PRKCB: variants seen among roughly 807,000 people sequenced by gnomAD.
PRKCB encodes the protein protein kinase C beta type.
Under a neutral mutation model 81.5 loss-of-function variants are expected in PRKCB, and 13 were observed. The ratio of observed to expected loss-of-function variants is 0.16; its 90% CI spans 0.10 to 0.25. The LOEUF (loss-of-function observed/expected upper bound fraction) is 0.25. PRKCB is among the 10% of genes least tolerant of loss of function. The pLI is 1.00. For missense variants in PRKCB, 509 were observed against 875.7 expected, an observed-to-expected ratio of 0.58 and a Z score of 5.29; for synonymous variants, 335 against 321.4, an observed-to-expected ratio of 1.04 and a Z score of -0.45.
At chr16:24,092,270 A>G (rs192761348) in intron 5 of PRKCB, among the ~76,000 whole-genome samples, 1 of 152,356 alleles carries the variant, frequency 6.6e-6, no homozygotes, top group Non-Finnish European at 1.5e-5. Flanking sequence ...AAATGGAATC[A>G]TACAATATGT....
At chr16:23,956,642 G>A (rs1438974844) in intron 2 of PRKCB, among the ~76,000 whole-genome samples, 2 of 152,142 alleles carry the variant, frequency 1.3e-5, no homozygotes, top group East Asian at 1.9e-4. Context: ...CAAATGTTGT[G>A]CCAATTTATG....
chr16:24,177,464 G>A (rs1967552871), intron 12 of PRKCB, among the ~76,000 whole-genome samples: 1 of 152,090 alleles, frequency 6.6e-6, no homozygotes. Flanking sequence ...TGGAAGAACA[G>A]AGTCAATCTT....
Position 24,219,053 on chromosome 16 carries a change from A to G in PRKCB, c.*4237A>G, listed in dbSNP as rs1968277992. 6 of 985,328 alleles carry G rather than the reference A, an allele frequency of 6.1e-6. No homozygotes were observed. Among genetic ancestry groups the G allele is most frequent in the Admixed American group, 6.2e-5 (1 of 16,260 alleles). The allele number at this position is 985,328 out of a possible 1,614,324, so 61.0% of individuals were successfully genotyped here. A position where few individuals can be genotyped will look rare whatever the true frequency, so the allele number is the denominator to read the frequency against. On this transcript the variant is annotated 3_prime_UTR_variant, in exon 17 of 17. Transcript: ENST00000643927. ...GGGTGTGGTGATGATGAGGAAAGAC[A>G]AGAGGCTTGCAAGGACCCTGAAGAG...
chr16:23,999,241 G>A (rs1033348627), intron 3 of PRKCB, among the ~76,000 whole-genome samples: 4 of 152,218 alleles, frequency 2.6e-5, no homozygotes, highest in East Asian at 3.9e-4. Flanking sequence ...CTGGTGTGCA[G>A]CAAGTTCGTG....
In PRKCB at chr16:23,836,323, T is replaced by C; in HGVS notation, c.148T>C (p.Cys50Arg). 6.2e-7 allele frequency: 1 copy of C among 1,603,678 alleles called. No individual in the cohort carries two copies. The highest frequency in any genetic ancestry group is 8.5e-7 in the Non-Finnish European group (1 of 1,175,684). ...TARFFKQPTF[C>R]SHCTDFIWGF... ...CCGCTTCTTCAAGCAGCCCACCTTC[T>C]GCAGCCACTGCACCGACTTCATCTG... is the stretch of plus-strand genomic sequence containing the variant. The change falls in exon 1 of 17, where the codon TGC becomes CGC. Residue 50 changes from cysteine (C) to arginine (R), a missense_variant. Transcript: ENST00000643927.
intron 3 of PRKCB, among the ~76,000 whole-genome samples, chr16:24,000,148 C>G (rs551050736): frequency 6.6e-6 from 1 of 152,152 alleles, no homozygotes; most frequent in Non-Finnish European, 1.5e-5. Context: ...ATTCCAGTGC[C>G]TCATTGGAGA....
intron 2 of PRKCB, among the ~76,000 whole-genome samples, chr16:23,855,776 A>G (rs1226501758): frequency 6.6e-6 from 1 of 152,234 alleles, no homozygotes; most frequent in East Asian, 1.9e-4. Flanking sequence ...ACGGCCCTTC[A>G]GAACTGGGAC....
chr16:24,138,845 CTTTTTTTTT>C (rs991952336), intron 9 of PRKCB, among the ~76,000 whole-genome samples: 1 of 78,846 alleles, frequency 1.3e-5, no homozygotes, highest in Non-Finnish European at 2.3e-5. Flanking sequence ...CAGTATTTGT[CTTTTTTTTT>C]TTTTTTTTTT....
rs1967609789 is a variant in PRKCB at position 24,180,877 on chromosome 16, T to C, written c.1482T>C (p.Asp494=). 2 of 1,614,088 alleles carry C rather than the reference T, an allele frequency of 1.2e-6. No homozygotes were observed. The highest frequency in any genetic ancestry group is 8.5e-7 in the Non-Finnish European group (1 of 1,180,042). Reference sequence around the variant, plus strand: ...GCATGTGTAAGGAAAACATCTGGGATGGGGTGACAACCAAGACATTCTGTG... The same window carrying C: ...GCATGTGTAAGGAAAACATCTGGGACGGGGTGACAACCAAGACATTCTGTG... ...DFGMCKENIW[D]GVTTKTFCGT... is the part of the protein sequence containing the mutation. Residue 494 remains aspartate, a synonymous_variant, in exon 13 of 17, where the codon GAT becomes GAC. Coordinates refer to ENST00000643927, the MANE Select transcript of PRKCB (RefSeq NM_002738.7).
intron 2 of PRKCB, among the ~76,000 whole-genome samples, chr16:23,887,583 T>C (rs1396120633): frequency 1.3e-5 from 2 of 152,258 alleles, no homozygotes; most frequent in African/African-American, 4.8e-5. Context: ...ACATTTTCTT[T>C]ATCCAATCCA....
chr16:24,151,112 G>A (rs546540330), intron 9 of PRKCB, among the ~76,000 whole-genome samples: 15 of 152,266 alleles, frequency 9.9e-5, no homozygotes, highest in African/African-American at 3.4e-4. Context: ...ATTAAATCAC[G>A]TTATGATAAG....
intron 9 of PRKCB, among the ~76,000 whole-genome samples, chr16:24,136,022 C>A (rs1966863475): frequency 6.6e-6 from 1 of 151,772 alleles, no homozygotes; most frequent in South Asian, 2.1e-4. Context: ...GGTTCTATCG[C>A]AATTATGTCA....
intron 2 of PRKCB, among the ~76,000 whole-genome samples, chr16:23,854,980 C>T (rs981558794): frequency 5.9e-5 from 9 of 152,120 alleles, no homozygotes; most frequent in Non-Finnish European, 8.8e-5. Flanking sequence ...GCAAAGGATA[C>T]GGCCAGGACT....
rs554792805 is a variant in PRKCB, at chr16:23,875,562, C to T, written c.205+38156C>T. On this transcript the variant is annotated intron_variant, in intron 2 of 16. Transcript: ENST00000643927. ...CACACATATGTATGTATATCACACACATGTGTATATCAAACACATATGTAT... is the reference window on the plus strand; with the variant it reads ...CACACATATGTATGTATATCACACATATGTGTATATCAAACACATATGTAT... 2.4e-3 allele frequency among the ~76,000 whole-genome samples: 224 copies of T among 91,946 alleles called. 22 individuals are homozygous for T. The highest frequency in any genetic ancestry group is 9.6e-3 in the Middle Eastern group (1 of 104). The allele number at this position is 91,946 out of a possible 152,430, so 60.3% of individuals were successfully genotyped here. A position where few individuals can be genotyped will look rare whatever the true frequency, so the allele number is the denominator to read the frequency against.
intron 2 of PRKCB, among the ~76,000 whole-genome samples, chr16:23,892,629 A>T (rs732798): frequency 7.8e-4 from 119 of 152,066 alleles, no homozygotes; most frequent in African/African-American, 2.6e-3. Flanking sequence ...GTGAGTAGGC[A>T]GATGGTCTTA....
intron 2 of PRKCB, among the ~76,000 whole-genome samples, chr16:23,876,255 A>G (rs908752125): frequency 2.0e-5 from 3 of 152,232 alleles, no homozygotes; most frequent in Non-Finnish European, 4.4e-5. Flanking sequence ...TTATATACGT[A>G]ATTTTACTTG....
At chr16:24,079,240 G>C (rs953501502) in intron 5 of PRKCB, among the ~76,000 whole-genome samples, 1 of 152,078 alleles carries the variant, frequency 6.6e-6, no homozygotes, top group Admixed American at 6.6e-5. Context: ...GACTCAGCCT[G>C]CCTGCACCCA....
At chr16:24,212,591 C>T (rs992843936) in intron 16 of PRKCB, among the ~76,000 whole-genome samples, 4 of 151,228 alleles carry the variant, frequency 2.6e-5, no homozygotes, top group Non-Finnish European at 5.9e-5. Context: ...ATTCTCTCAC[C>T]TCAGTTTCCT....
chr16:23,859,531 C>T (rs1241725559), intron 2 of PRKCB, among the ~76,000 whole-genome samples: 1 of 152,082 alleles, frequency 6.6e-6, no homozygotes, highest in African/African-American at 2.4e-5. Context: ...GTGATGTGTG[C>T]TGTAATGGTG....
Sources: allele counts gnomAD v4.1 joint callset (sites outside exome capture counted in the v4.1 genomes callset), GRCh38; gene constraint gnomAD v4.1.1; transcripts MANE v1.5; gene names NCBI Gene and HGNC (gene_info 2026-07-23, HGNC 2026-07-21).